AAK1: variants seen among roughly 807,000 people sequenced by gnomAD.
AAK1 encodes the protein AP2-associated protein kinase 1.
Under a neutral mutation model 116.0 loss-of-function variants are expected in AAK1, and 37 were observed. That is an observed-to-expected ratio of 0.32 (90% CI 0.25 to 0.42). The LOEUF (loss-of-function observed/expected upper bound fraction) is 0.42, where lower values mean the gene tolerates loss of function less well. Ranked by LOEUF, AAK1 falls within the 10% of genes least tolerant of loss-of-function variation. AAK1 has a pLI of 1.00. For synonymous variants in AAK1, 458 were observed against 439.9 expected (o/e 1.04, Z -0.51); for missense variants, 919 against 1,170.6 (o/e 0.79, Z 3.14).
At chr2:69,615,605 T>C (rs921659077) in intron 2 of AAK1, among the ~76,000 whole-genome samples, 8 of 152,246 alleles carry the variant, frequency 5.3e-5, no homozygotes, top group African/African-American at 1.9e-4. Context: ...TCTTTTTGGC[T>C]ATGAATTTGC....
At chr2:69,632,092 T>A (rs1321748657) in intron 2 of AAK1, among the ~76,000 whole-genome samples, 2 of 152,110 alleles carry the variant, frequency 1.3e-5, no homozygotes, top group African/African-American at 2.4e-5. Flanking sequence ...AAGCTAATAG[T>A]TTATCATTCC....
chr2:69,612,723 C>A (rs1674143145), intron 2 of AAK1, among the ~76,000 whole-genome samples: 1 of 152,198 alleles, frequency 6.6e-6, no homozygotes, highest in African/African-American at 2.4e-5. Context: ...GCAAGCCAAT[C>A]CTTGGAAAAT....
chr2:69,547,419 A>G (rs1670974804), intron 3 of AAK1, among the ~76,000 whole-genome samples: 1 of 152,234 alleles, frequency 6.6e-6, no homozygotes, highest in Admixed American at 6.5e-5. Context: ...CAACAACAAC[A>G]AAAAAGACAA....
At position 69,569,852 on chromosome 2, in the gene AAK1, A is replaced by C. The variant is rs571145289; in HGVS notation, c.164-12874T>G. ...CTGACTAGTGTTTCATTATTTGAAT[A>C]AATCTGTTTGTCCTCTCCCTTACGG... is the stretch of plus-strand genomic sequence containing the variant. On this transcript the variant is annotated intron_variant, in intron 2 of 21. Transcript: ENST00000409085. Among the ~76,000 whole-genome samples the C allele has an allele frequency of 5.3e-5, 8 of 152,290 alleles. No individual in the cohort carries two copies. In the South Asian group the frequency reaches 1.7e-3, roughly 32 times the overall value.
chr2:69,595,075 T>C (rs1572990260), intron 2 of AAK1: 1 of 698,376 alleles, frequency 1.4e-6, no homozygotes, highest in Non-Finnish European at 2.6e-6. Flanking sequence ...GTGAGCACTA[T>C]CAGCATGGAA....
chr2:69,605,746 T>C (rs1164314288), intron 2 of AAK1, among the ~76,000 whole-genome samples: 1 of 152,210 alleles, frequency 6.6e-6, no homozygotes, highest in East Asian at 1.9e-4. Flanking sequence ...ACAGAACTGT[T>C]CCATCACCAA....
intron 2 of AAK1, among the ~76,000 whole-genome samples, chr2:69,585,726 T>G (rs995314916): frequency 6.6e-6 from 1 of 152,216 alleles, no homozygotes; most frequent in Non-Finnish European, 1.5e-5. Flanking sequence ...GTTTTACATA[T>G]GATGTGGCAT....
Position 69,480,861 on chromosome 2 carries a change from T to A in AAK1, c.2568A>T (p.Thr856=). 2 of 1,590,722 alleles carry A rather than the reference T, an allele frequency of 1.3e-6. No individual in the cohort carries two copies. Among genetic ancestry groups the A allele is most frequent in the Non-Finnish European group, 1.7e-6 (2 of 1,168,794 alleles). The part of the protein sequence containing the change: ...SQTESVTSNR[T]DSLTGEDSLL... Reference sequence around the variant, plus strand: ...CAGCTGCAGAGACACCTGACTGACCTGTGCGATTCGAGGTCACAGATTCCG... The same window carrying A: ...CAGCTGCAGAGACACCTGACTGACCAGTGCGATTCGAGGTCACAGATTCCG... The change falls in exon 19 of 22, where the codon ACA becomes ACT. Residue 856 remains threonine (T), a splice_region_variant and synonymous_variant. Transcript: ENST00000409085.
intron 2 of AAK1, among the ~76,000 whole-genome samples, chr2:69,632,677 T>C (rs1675239291): frequency 4.6e-5 from 7 of 152,098 alleles, no homozygotes; most frequent in Admixed American, 4.6e-4. Context: ...GGCAGGCAGA[T>C]CACGAGGTCA....
At chr2:69,614,209 T>C (rs75680362) in intron 2 of AAK1, among the ~76,000 whole-genome samples, 1,573 of 152,298 alleles carry the variant, frequency 0.01, 21 homozygotes, top group African/African-American at 0.034. Flanking sequence ...CTGTTTCATT[T>C]ACTGTCCATG....
chr2:69,643,386 T>A, intron 1 of AAK1, 112 bp from the exon 2 acceptor site: 1 of 1,184,922 alleles, frequency 8.4e-7, no homozygotes, highest in Non-Finnish European at 1.1e-6. Flanking sequence ...CTTCATGTAT[T>A]TTCCCGGCGA....
rs1347605033 is a variant in AAK1 at position 69,471,258 on chromosome 2, T to G, written c.*4611A>C. 1.0e-6 allele frequency: 1 copy of G among 985,320 alleles called. No individual in the cohort carries two copies. Among genetic ancestry groups the G allele is most frequent in the Admixed American group, 6.1e-5 (1 of 16,270 alleles). The allele number at this position is 985,320 out of a possible 1,614,324, so 61.0% of individuals were successfully genotyped here. On this transcript the variant is annotated 3_prime_UTR_variant, in exon 22 of 22. Transcript: ENST00000409085. The stretch of plus-strand genomic sequence containing the variant: ...CATTTGGTAACTTCTTTGCATAGGT[T>G]AGCATTACCCAAGGAGCCTCCCTAT...
intron 2 of AAK1, among the ~76,000 whole-genome samples, chr2:69,579,575 A>G (rs1672459939): frequency 6.6e-6 from 1 of 152,238 alleles, no homozygotes; most frequent in Non-Finnish European, 1.5e-5. Flanking sequence ...TGACAGAGCC[A>G]GACCATGTCT....
rs757500375 is a variant in AAK1 at position 69,642,936 on chromosome 2, G to A, written c.105C>T (p.Ile35=). 21 of 1,613,772 alleles carry A rather than the reference G, an allele frequency of 1.3e-5. No homozygotes were observed. The highest frequency in any genetic ancestry group is 5.3e-5 in the African/African-American group (4 of 74,920). The change falls in exon 2 of 22, where the codon ATC becomes ATT. Residue 35 remains isoleucine, a synonymous_variant. Coordinates refer to ENST00000409085, the MANE Select transcript of AAK1 (RefSeq NM_014911.5). The part of the protein sequence containing the change: ...GSTSGLGSGY[I]GRVFGIGRQQ... Reference sequence around the variant, plus strand: ...GTCGCCCGATGCCGAAGACTCTTCCGATGTAGCCACTGCCCAGGCCCGAGG... The same window carrying A: ...GTCGCCCGATGCCGAAGACTCTTCCAATGTAGCCACTGCCCAGGCCCGAGG...
At chr2:69,518,004 C>T (rs1376093526) in intron 12 of AAK1, among the ~76,000 whole-genome samples, 1 of 152,096 alleles carries the variant, frequency 6.6e-6, no homozygotes, top group Non-Finnish European at 1.5e-5. Flanking sequence ...TGCTTATAGT[C>T]CTAGCTACTT....
chr2:69,582,763 A>T (rs1172096504), intron 2 of AAK1, among the ~76,000 whole-genome samples: 1 of 152,240 alleles, frequency 6.6e-6, no homozygotes, highest in Non-Finnish European at 1.5e-5. Context: ...GGAAGAGAAG[A>T]GACAGACTCA....
At chr2:69,642,122 G>A (rs561430217) in intron 2 of AAK1, among the ~76,000 whole-genome samples, 1 of 152,008 alleles carries the variant, frequency 6.6e-6, no homozygotes, top group South Asian at 2.1e-4. Context: ...AAACACAGAG[G>A]GAATTTATGC....
chr2:69,477,298 A>G (rs1470115288), intron 20 of AAK1, among the ~76,000 whole-genome samples: 1 of 152,192 alleles, frequency 6.6e-6, no homozygotes, highest in African/African-American at 2.4e-5. Flanking sequence ...TCACTAATCC[A>G]CAAAGGCATA....
In AAK1 at chr2:69,593,272, T is replaced by C. The variant is rs184151354; in HGVS notation, c.164-36294A>G. Among the ~76,000 whole-genome samples, 1,013 of 152,216 alleles carry C rather than the reference T, an allele frequency of 6.7e-3. 21 individuals carry two copies. The highest frequency in any genetic ancestry group is 0.012 in the East Asian group (62 of 5,184). On this transcript the variant is annotated intron_variant, in intron 2 of 21. Transcript: ENST00000409085. The stretch of plus-strand genomic sequence containing the variant: ...AACCTAAATATTTAGCACTAGGAAA[T>C]TGACTAACTAGATTATGGTATATCC...
Sources: allele counts gnomAD v4.1 joint callset (sites outside exome capture counted in the v4.1 genomes callset), GRCh38; gene constraint gnomAD v4.1.1; transcripts MANE v1.5; gene names NCBI Gene and HGNC (gene_info 2026-07-23, HGNC 2026-07-21).